PPM1B: variants seen among roughly 807,000 people sequenced by gnomAD.
PPM1B encodes the protein protein phosphatase, Mg2+/Mn2+ dependent 1B.
Under a neutral mutation model 43.0 loss-of-function variants are expected in PPM1B, and 22 were observed. That is an observed-to-expected ratio of 0.51 (90% CI 0.37 to 0.73). The LOEUF (loss-of-function observed/expected upper bound fraction) is 0.73, where lower values mean the gene tolerates loss of function less well. PPM1B is among the 30% of genes least tolerant of loss of function. The pLI, the probability that PPM1B is intolerant of heterozygous loss-of-function variation, is 0.00. For missense variants in PPM1B, 632 were observed against 584.2 expected (o/e 1.08, Z -0.84); for synonymous variants, 217 against 197.9 (o/e 1.10, Z -0.81).
At chr2:44,203,799 T>C (rs748099712) in intron 2 of PPM1B, among the ~76,000 whole-genome samples, 1 of 152,194 alleles carries the variant, frequency 6.6e-6, no homozygotes, top group African/African-American at 2.4e-5. Flanking sequence ...AAAAAATCTA[T>C]TAGGTCTGTA....
chr2:44,230,192 C>G lies in PPM1B; in HGVS notation c.1135-221C>G, dbSNP rs147428445. ...AACTTTAAATGACTGTGAAATAAGACATAAACTAGTTAATGGTAATTTGCT... is the reference window on the plus strand; with the variant it reads ...AACTTTAAATGACTGTGAAATAAGAGATAAACTAGTTAATGGTAATTTGCT... On this transcript the variant is annotated intron_variant, in intron 5 of 5. Coordinates refer to ENST00000282412, the MANE Select transcript of PPM1B (RefSeq NM_002706.6). 5.5e-4 allele frequency: 775 copies of G among 1,418,164 alleles called. 4 individuals carry two copies. In the African/African-American group the frequency reaches 0.01, roughly 19 times the overall value. 87.8% of individuals were successfully genotyped at this position (1,418,164 alleles called of 1,614,324 possible).
chr2:44,190,862 C>A (rs1054557676), intron 1 of PPM1B, among the ~76,000 whole-genome samples: 3 of 152,032 alleles, frequency 2.0e-5, no homozygotes, highest in African/African-American at 4.8e-5. Flanking sequence ...ATAAATTGTA[C>A]AATTATTGTG....
rs149971954 is a variant in PPM1B, at chr2:44,188,011, A to C, written c.-14-13175A>C. Among the ~76,000 whole-genome samples the C allele has an allele frequency of 3.8e-3, 572 of 152,306 alleles. 3 individuals carry two copies. The highest frequency in any genetic ancestry group is 0.013 in the African/African-American group (552 of 41,566). On this transcript the variant is annotated intron_variant, in intron 1 of 5. Coordinates refer to ENST00000282412, the MANE Select transcript of PPM1B (RefSeq NM_002706.6). ...GCCATCTGCCCACCTCGGCCTCCCA[A>C]GGTGCTAGGATTACAGGCGTGAGAC...
At chr2:44,214,162 C>T (rs1669612447) in intron 3 of PPM1B, among the ~76,000 whole-genome samples, 1 of 152,306 alleles carries the variant, frequency 6.6e-6, no homozygotes, top group Non-Finnish European at 1.5e-5. Flanking sequence ...TCACTGCAAG[C>T]TTAGCTGCCC....
intron 1 of PPM1B, among the ~76,000 whole-genome samples, chr2:44,171,501 C>T (rs967938461): frequency 1.3e-5 from 2 of 152,072 alleles, no homozygotes; most frequent in East Asian, 1.9e-4. Context: ...GAATTGGCCA[C>T]GGTATCACTT....
chr2:44,200,803 A>G (rs190532540), intron 1 of PPM1B, among the ~76,000 whole-genome samples: 4 of 152,280 alleles, frequency 2.6e-5, no homozygotes, highest in African/African-American at 9.6e-5. Flanking sequence ...TACATGTCGA[A>G]CCCTAGACTC....
At chr2:44,176,827 G>T (rs890978461) in intron 1 of PPM1B, among the ~76,000 whole-genome samples, 1 of 152,142 alleles carries the variant, frequency 6.6e-6, no homozygotes, top group African/African-American at 2.4e-5. Flanking sequence ...CAACCAACTG[G>T]CTGGGGTGCA....
At chr2:44,180,042 A>G (rs1667790544) in intron 1 of PPM1B, among the ~76,000 whole-genome samples, 1 of 66,536 alleles carries the variant, frequency 1.5e-5, no homozygotes, top group South Asian at 1.0e-3. Flanking sequence ...TTTAACCTCA[A>G]GTCAACTCTT....
chr2:44,173,274 G>A (rs1667436455), intron 1 of PPM1B, among the ~76,000 whole-genome samples: 1 of 152,170 alleles, frequency 6.6e-6, no homozygotes, highest in African/African-American at 2.4e-5. Flanking sequence ...TTCCAAAAGT[G>A]TAATCTATAT....
chr2:44,179,324 ATAAAT>A (rs1028058227), intron 1 of PPM1B, among the ~76,000 whole-genome samples: 26 of 152,332 alleles, frequency 1.7e-4, no homozygotes, highest in African/African-American at 6.0e-4. Flanking sequence ...AAAAGTACTA[ATAAAT>A]TAAATATTTA....
downstream of PPM1B, chr2:44,234,006 T>TA (rs1670542073): frequency 1.0e-6 from 1 of 984,648 alleles, no homozygotes. Flanking sequence ...TGATGTTTCA[T>TA]ACAATGCAGT....
intron 1 of PPM1B, among the ~76,000 whole-genome samples, chr2:44,188,805 TCCCCTC>T (rs1340656723): frequency 8.7e-6 from 1 of 114,404 alleles, no homozygotes; most frequent in Non-Finnish European, 1.8e-5. Context: ...CCCTTCCCAC[TCCCCTC>T]CCCCTCCCCC....
At chr2:44,178,670 C>G (rs1165169900) in intron 1 of PPM1B, among the ~76,000 whole-genome samples, 2 of 151,826 alleles carry the variant, frequency 1.3e-5, no homozygotes, top group Admixed American at 6.6e-5. Flanking sequence ...GGGGTTTCAC[C>G]ATGTTGGCCA....
chr2:44,238,890 G>T (rs963706088), downstream of PPM1B, among the ~76,000 whole-genome samples: 1 of 151,940 alleles, frequency 6.6e-6, no homozygotes, highest in Non-Finnish European at 1.5e-5. Context: ...TTAAATGGTT[G>T]TAATAATATA....
intron 2 of PPM1B, among the ~76,000 whole-genome samples, chr2:44,202,280 T>C (rs1317434468): frequency 6.6e-6 from 1 of 152,212 alleles, no homozygotes; most frequent in African/African-American, 2.4e-5. Flanking sequence ...TTTAAGTACT[T>C]CATAGCTTGT....
At chr2:44,179,020 A>C (rs1031958742) in intron 1 of PPM1B, among the ~76,000 whole-genome samples, 2 of 152,292 alleles carry the variant, frequency 1.3e-5, no homozygotes, top group African/African-American at 4.8e-5. Flanking sequence ...TTGAATTCCC[A>C]GGTGTTCTGA....
rs1668963339 is a variant in PPM1B, at chr2:44,202,018, T to C, written c.819T>C (p.Asn273=). The C allele has an allele frequency of 1.2e-6, 2 of 1,603,124 alleles. No homozygotes were observed. Among genetic ancestry groups the C allele is most frequent in the African/African-American group, 2.7e-5 (2 of 74,582 alleles). The change falls in exon 2 of 6, where the codon AAT becomes AAC. Residue 273 remains asparagine (N), a synonymous_variant. Transcript: ENST00000282412. ...CTGATGACCTGGAAAATGTGTGCAA[T>C]TGGGTAGTGGACACTTGTTTACACA... ...EVSDDLENVC[N]WVVDTCLHKG... is the part of the protein sequence containing the mutation.
At chr2:44,244,817 T>TGA (rs1287606425), downstream of PPM1B, among the ~76,000 whole-genome samples, 5 of 106,074 alleles carry the variant, frequency 4.7e-5, no homozygotes, top group African/African-American at 2.0e-4. Flanking sequence ...TATAATTACT[T>TGA]GAGATATATA....
chr2:44,243,407 A>G (rs1670792373), intron 5 of PPM1B, among the ~76,000 whole-genome samples: 1 of 152,230 alleles, frequency 6.6e-6, no homozygotes, highest in African/African-American at 2.4e-5. Flanking sequence ...CAAAATTTTC[A>G]GAATTTTCTT....
Sources: allele counts gnomAD v4.1 joint callset (sites outside exome capture counted in the v4.1 genomes callset), GRCh38; gene constraint gnomAD v4.1.1; transcripts MANE v1.5; gene names NCBI Gene and HGNC (gene_info 2026-07-23, HGNC 2026-07-21).